The following RBFOX3 variants were observed in gnomAD, a reference collection of about 807,000 sequenced individuals.
RBFOX3 encodes the protein RNA binding fox-1 homolog 3, also known as RNA binding protein fox-1 homolog 3.
Under a neutral mutation model 48.7 loss-of-function variants are expected in RBFOX3, and 17 were observed. The observed-to-expected ratio is 0.35, with a 90% CI of 0.24 to 0.52. RBFOX3 has a LOEUF of 0.52. Among genes scored for constraint, RBFOX3 ranks in the 20% least tolerant of loss-of-function variants. The pLI, the probability that RBFOX3 is intolerant of heterozygous loss-of-function variation, is 0.94. For missense variants in RBFOX3, 382 were observed against 497.5 expected, an observed-to-expected ratio of 0.77 and a Z score of 2.21; for synonymous variants, 212 against 209.5, an observed-to-expected ratio of 1.01 and a Z score of -0.10.
chr17:79,554,997 G>T (rs1039356371), intron 1 of RBFOX3, among the ~76,000 whole-genome samples: 15 of 152,182 alleles, frequency 9.9e-5, no homozygotes, highest in African/African-American at 3.6e-4. Flanking sequence ...ACCAGCCTGA[G>T]GGGAACAAAG....
Position 79,103,989 on chromosome 17 carries a change from C to A in RBFOX3, c.414+84G>T. 7.9e-7 allele frequency: 1 copy of A among 1,262,114 alleles called. No individual in the cohort carries two copies. Among genetic ancestry groups the A allele is most frequent in the Non-Finnish European group, 1.1e-6 (1 of 885,834 alleles). The allele number at this position is 1,262,114 out of a possible 1,614,324, so 78.2% of individuals were successfully genotyped here. Reference sequence around the variant, plus strand: ...AGGGGTCCTCGGGCGCGAAGCTCTCCAGGAAGGAAACGCACATTTCACACG... The same window carrying A: ...AGGGGTCCTCGGGCGCGAAGCTCTCAAGGAAGGAAACGCACATTTCACACG... On this transcript the variant is annotated intron_variant, in intron 7 of 14. Transcript: ENST00000693108. This position sits in a 1 kb window ranked among gnomAD's most constrained non-coding sequence, Gnocchi z 6.1.
chr17:79,465,840 C>T (rs556790946), intron 2 of RBFOX3, among the ~76,000 whole-genome samples: 4 of 152,314 alleles, frequency 2.6e-5, no homozygotes, highest in South Asian at 2.1e-4. Flanking sequence ...CAGTGCAGGC[C>T]GCCTGGACAG....
the RBFOX3 span, among the ~76,000 whole-genome samples, chr17:79,618,388 A>G: frequency 6.6e-6 from 1 of 152,156 alleles, no homozygotes; most frequent in East Asian, 1.9e-4. Flanking sequence ...GTGATTGCAC[A>G]ATAATACCAC....
intron 4 of RBFOX3, among the ~76,000 whole-genome samples, chr17:79,163,833 G>A (rs2047460824): frequency 6.6e-6 from 1 of 152,198 alleles, no homozygotes; most frequent in Non-Finnish European, 1.5e-5. Flanking sequence ...TGCTGTGGGT[G>A]TCTCTGGGCC....
At chr17:79,137,660 G>A (rs2040553947) in intron 4 of RBFOX3, among the ~76,000 whole-genome samples, 1 of 137,222 alleles carries the variant, frequency 7.3e-6, no homozygotes, top group Admixed American at 8.0e-5. Context: ...CACGCGGGGA[G>A]GGTGTCGGGG....
chr17:79,583,206 G>A (rs2093135479), intron 1 of RBFOX3, among the ~76,000 whole-genome samples: 1 of 152,240 alleles, frequency 6.6e-6, no homozygotes, highest in South Asian at 2.1e-4. Context: ...GCCTCCCCAA[G>A]CCTCAGCTTC....
At chr17:79,644,300 A>G in the RBFOX3 span, among the ~76,000 whole-genome samples, 2 of 152,228 alleles carry the variant, frequency 1.3e-5, no homozygotes, top group African/African-American at 4.8e-5. Flanking sequence ...AAAATAAAGT[A>G]AAATCTTCCC....
chr17:79,282,587 G>A (rs2070818846), intron 3 of RBFOX3, among the ~76,000 whole-genome samples: 2 of 151,890 alleles, frequency 1.3e-5, no homozygotes, highest in African/African-American at 4.8e-5. Flanking sequence ...GGCAGGGAGG[G>A]TCACTGCACG....
At chr17:79,092,906 T>C (rs1307289198) in intron 14 of RBFOX3, among the ~76,000 whole-genome samples, 1 of 152,054 alleles carries the variant, frequency 6.6e-6, no homozygotes, top group African/African-American at 2.4e-5. Flanking sequence ...TTGAGTTATG[T>C]CTGGGTCACT....
chr17:79,210,816 G>C (rs2058280173), intron 4 of RBFOX3, among the ~76,000 whole-genome samples: 1 of 152,078 alleles, frequency 6.6e-6, no homozygotes, highest in South Asian at 2.1e-4. Flanking sequence ...CAATGAGGGT[G>C]CCGAGTTTTG....
chr17:79,159,424 G>A (rs533844605), intron 4 of RBFOX3, among the ~76,000 whole-genome samples: 8 of 152,150 alleles, frequency 5.3e-5, no homozygotes, highest in Non-Finnish European at 1.0e-4. Flanking sequence ...AGCCCAAGCC[G>A]CACAGGAAAG....
At chr17:79,487,326 G>A (rs1308849321) in intron 1 of RBFOX3, among the ~76,000 whole-genome samples, 3 of 152,228 alleles carry the variant, frequency 2.0e-5, no homozygotes, top group African/African-American at 4.8e-5. Context: ...GGCTGGCCCC[G>A]ACGACCTTGG....
intron 2 of RBFOX3, among the ~76,000 whole-genome samples, chr17:79,396,874 C>T (rs1038699041): frequency 6.6e-6 from 1 of 152,244 alleles, no homozygotes; most frequent in African/African-American, 2.4e-5. Context: ...CCAGCGCCTC[C>T]ACCGGTCACG....
chr17:79,561,093 C>A (rs2092183835), intron 1 of RBFOX3, among the ~76,000 whole-genome samples: 1 of 152,162 alleles, frequency 6.6e-6, no homozygotes, highest in Non-Finnish European at 1.5e-5. Flanking sequence ...AACAAATAGA[C>A]CTTGCACTAC....
At chr17:79,327,401 C>T (rs1333235837) in intron 2 of RBFOX3, among the ~76,000 whole-genome samples, 1 of 152,194 alleles carries the variant, frequency 6.6e-6, no homozygotes, top group Non-Finnish European at 1.5e-5. Flanking sequence ...ATTCACCCCA[C>T]CTCCTGCCAG....
intron 3 of RBFOX3, among the ~76,000 whole-genome samples, chr17:79,298,969 G>A (rs565545125): frequency 6.7e-4 from 102 of 152,312 alleles, no homozygotes; most frequent in Admixed American, 5.4e-3. Context: ...TGGCAGCACC[G>A]GGCGGCAGCC....
intron 2 of RBFOX3, among the ~76,000 whole-genome samples, chr17:79,393,964 G>T (rs865877833): frequency 1.3e-5 from 2 of 149,802 alleles, no homozygotes; most frequent in African/African-American, 4.9e-5. Context: ...CGGTCACCAC[G>T]CACATCGTCT....
intron 1 of RBFOX3, among the ~76,000 whole-genome samples, chr17:79,492,711 A>G (rs1353206700): frequency 3.3e-5 from 5 of 152,232 alleles, no homozygotes; most frequent in African/African-American, 4.8e-5. Flanking sequence ...TTTGGGGATA[A>G]TCTATTACAC....
intron 2 of RBFOX3, among the ~76,000 whole-genome samples, chr17:79,335,052 G>T (rs2080981446): frequency 6.6e-6 from 1 of 152,188 alleles, no homozygotes; most frequent in African/African-American, 2.4e-5. Context: ...CCTCACTAGG[G>T]CTCCCAGAGT....
Sources: allele counts gnomAD v4.1 joint callset (sites outside exome capture counted in the v4.1 genomes callset), GRCh38; gene constraint gnomAD v4.1.1; non-coding constraint Gnocchi (gnomAD v3.1); transcripts MANE v1.5; gene names NCBI Gene and HGNC (gene_info 2026-07-23, HGNC 2026-07-21).